Variants in MYO3A observed in about 807,000 individuals in gnomAD.
MYO3A encodes myosin IIIA.
MYO3A carries 180 observed loss-of-function variants against 192.7 expected under a neutral mutation model. That is an observed-to-expected ratio of 0.93 (90% CI 0.83 to 1.06). MYO3A has a LOEUF of 1.06. MYO3A is among the 50% of genes least tolerant of loss of function. MYO3A has a pLI of 0.00. For missense variants in MYO3A, 1,896 were observed against 1,905.0 expected (o/e 1.00, Z 0.09); for synonymous variants, 628 against 645.3 (o/e 0.97, Z 0.41).
chr10:26,072,006 T>TA (rs1835235270), intron 14 of MYO3A, among the ~76,000 whole-genome samples: 2 of 151,284 alleles, frequency 1.3e-5, no homozygotes, highest in Non-Finnish European at 2.9e-5. Flanking sequence ...TCAGGAAACT[T>TA]ACAATCATGG....
intron 4 of MYO3A, among the ~76,000 whole-genome samples, chr10:25,994,861 G>A (rs1840318173): frequency 6.6e-6 from 1 of 152,198 alleles, no homozygotes. Flanking sequence ...GGCTTGTAGA[G>A]TTTCTGCCAG....
chr10:26,125,612 A>C lies in MYO3A; in HGVS notation c.2114+4A>C, dbSNP rs1839175263. The C allele has an allele frequency of 6.2e-7, 1 of 1,613,390 alleles. No homozygotes were observed. Among genetic ancestry groups the C allele is most frequent in the Non-Finnish European group, 8.5e-7 (1 of 1,179,424 alleles). On this transcript the variant is annotated splice_donor_region_variant and intron_variant, in intron 19 of 34. Transcript: ENST00000642920. Reference sequence around the variant, plus strand: ...TGAAGCATGACTCATCACCAAGGTAAAAATTTTTACAGAAACATTTTTTTC... The same window carrying C: ...TGAAGCATGACTCATCACCAAGGTACAAATTTTTACAGAAACATTTTTTTC...
chr10:26,108,491 A>G (rs58655802), intron 17 of MYO3A, among the ~76,000 whole-genome samples: 1,733 of 152,362 alleles, frequency 0.011, 33 homozygotes, highest in African/African-American at 0.039. Flanking sequence ...GTGAAACTTT[A>G]TAAAAATTAT....
At chr10:26,031,879 G>C (rs12267297) in intron 10 of MYO3A, among the ~76,000 whole-genome samples, 1 of 151,980 alleles carries the variant, frequency 6.6e-6, no homozygotes, top group Non-Finnish European at 1.5e-5. Context: ...TTTAAGCTAT[G>C]ATTGTCATTC....
At chr10:26,133,835 T>C (rs920744256) in intron 20 of MYO3A, among the ~76,000 whole-genome samples, 9 of 152,228 alleles carry the variant, frequency 5.9e-5, no homozygotes, top group Non-Finnish European at 1.0e-4. Flanking sequence ...ATGATAGTAC[T>C]GTCGTTTTCT....
intron 8 of MYO3A, chr10:26,022,424 G>A (rs558144008): frequency 8.5e-5 from 13 of 152,084 alleles, no homozygotes; most frequent in African/African-American, 3.1e-4. Flanking sequence ...GTGGTGACAG[G>A]GTTCCAAAAC....
chr10:26,050,334 G>A (rs913770000), intron 10 of MYO3A, among the ~76,000 whole-genome samples: 4 of 152,096 alleles, frequency 2.6e-5, no homozygotes, highest in South Asian at 2.1e-4. Context: ...GACCCATCAT[G>A]CCATTTAATG....
At position 26,056,000 on chromosome 10, in the gene MYO3A, T is replaced by C. The variant is rs182554232; in HGVS notation, c.954-10975T>C. ...ACAGTTTGAAGAAACAGAGCAAGCA[T>C]CAGAACCATACTTAGATATGGCAGG... is the stretch of plus-strand genomic sequence containing the variant. On this transcript the variant is annotated intron_variant, in intron 10 of 34. Transcript: ENST00000642920. 7.4e-3 allele frequency among the ~76,000 whole-genome samples: 1,125 copies of C among 152,270 alleles called. 7 individuals carry two copies. Among genetic ancestry groups the C allele is most frequent in the Non-Finnish European group, 0.013 (851 of 68,022 alleles).
chr10:26,148,345 G>T (rs1007088161), intron 23 of MYO3A, among the ~76,000 whole-genome samples: 1 of 152,084 alleles, frequency 6.6e-6, no homozygotes, highest in Admixed American at 6.5e-5. Flanking sequence ...ACTCTTTATT[G>T]GGTGTCATTG....
intron 17 of MYO3A, among the ~76,000 whole-genome samples, chr10:26,116,621 C>G (rs1838521551): frequency 6.6e-6 from 1 of 152,222 alleles, no homozygotes; most frequent in Admixed American, 6.5e-5. Context: ...TTTATATTTT[C>G]CTGGGATTAT....
chr10:26,112,827 T>G (rs1242837555), intron 17 of MYO3A, among the ~76,000 whole-genome samples: 3 of 152,222 alleles, frequency 2.0e-5, no homozygotes, highest in South Asian at 4.1e-4. Context: ...CTAAGCCATT[T>G]CCCTGCCATA....
intron 4 of MYO3A, among the ~76,000 whole-genome samples, chr10:25,983,627 A>G (rs1236039866): frequency 1.3e-5 from 2 of 152,202 alleles, no homozygotes; most frequent in Non-Finnish European, 2.9e-5. Flanking sequence ...TCCAAACCTA[A>G]GAATAATTGG....
chr10:26,021,787 G>C, intron 8 of MYO3A, 139 bp downstream of exon 8: 6 of 1,166,888 alleles, frequency 5.1e-6, no homozygotes, highest in Non-Finnish European at 7.5e-6. Flanking sequence ...ATATTATTCT[G>C]CTTCTTCTGA....
intron 8 of MYO3A, chr10:26,022,995 A>G (rs1842384042): frequency 6.6e-6 from 1 of 152,238 alleles, no homozygotes. Context: ...GTGTTCTGAA[A>G]TAATCCAAAC....
intron 27 of MYO3A, among the ~76,000 whole-genome samples, chr10:26,168,030 T>A (rs10741106): frequency 1.3e-5 from 2 of 152,072 alleles, no homozygotes; most frequent in Admixed American, 6.6e-5. Flanking sequence ...CCAAGCCTTC[T>A]GGCTCCTCCC....
At chr10:25,967,317 C>T (rs1838324936) in intron 4 of MYO3A, among the ~76,000 whole-genome samples, 2 of 152,076 alleles carry the variant, frequency 1.3e-5, no homozygotes, top group African/African-American at 4.8e-5. Context: ...GAGAGATGCT[C>T]GAGTTACTAC....
At position 26,101,839 on chromosome 10, in the gene MYO3A, T is replaced by G. The variant is rs150295995; in HGVS notation, c.1776+5157T>G. Among the ~76,000 whole-genome samples, 1,674 of 152,324 alleles carry G rather than the reference T, an allele frequency of 0.011. 107 individuals are homozygous for G. In the East Asian group the frequency reaches 0.19, roughly 17 times the overall value. ...CTGGCTGCCCTTAATATTTTTTCCTTCATTTCAACCTTGGTGAATCTGACA... is the reference window on the plus strand; with the variant it reads ...CTGGCTGCCCTTAATATTTTTTCCTGCATTTCAACCTTGGTGAATCTGACA... On this transcript the variant is annotated intron_variant, in intron 17 of 34. Transcript: ENST00000642920.
intron 26 of MYO3A, among the ~76,000 whole-genome samples, chr10:26,158,476 C>T (rs1298100534): frequency 1.3e-5 from 2 of 151,898 alleles, no homozygotes; most frequent in African/African-American, 2.4e-5. Flanking sequence ...AGGATGGTCT[C>T]GATCTTCTGA....
intron 34 of MYO3A, chr10:26,204,003 T>A (rs1843794461): frequency 6.6e-6 from 1 of 152,236 alleles, no homozygotes; most frequent in Non-Finnish European, 1.5e-5. Flanking sequence ...AGAGACTAAA[T>A]GTAGCAATAG....
Sources: gnomAD v4.1 joint callset for allele counts (sites outside exome capture counted in the v4.1 genomes callset) on GRCh38, gnomAD v4.1.1 for gene constraint, MANE v1.5 for transcripts, NCBI Gene and HGNC (gene_info 2026-07-23, HGNC 2026-07-21) for gene names.